Variants in HEATR1 observed in about 807,000 individuals in gnomAD.
HEATR1 encodes the protein HEAT repeat-containing protein 1.
In HEATR1, 77 loss-of-function variants were observed where a neutral mutation model predicts 248.2. That is an observed-to-expected ratio of 0.31 (90% CI 0.26 to 0.37). HEATR1 has a LOEUF of 0.37. Ranked by LOEUF, HEATR1 falls within the 10% of genes least tolerant of loss-of-function variation. HEATR1 has a pLI of 1.00. For missense variants in HEATR1, 2,420 were observed against 2,504.9 expected, an observed-to-expected ratio of 0.97 and a Z score of 0.72; for synonymous variants, 897 against 923.1, an observed-to-expected ratio of 0.97 and a Z score of 0.51.
At position 236,554,619 on chromosome 1, in the gene HEATR1, C is replaced by T. The variant is rs746060226; in HGVS notation, c.6057G>A (p.Leu2019=). Reference sequence around the variant, plus strand: ...TTACCTGATCCACCAGAGGCATCATCAAGGCTTCTGCTCTCTCTTTACTTA... The same window carrying T: ...TTACCTGATCCACCAGAGGCATCATTAAGGCTTCTGCTCTCTCTTTACTTA... The part of the protein sequence containing the change: ...HFISKERAEA[L]MMPLVDQLEN... The change falls in exon 42 of 45, where the codon TTG becomes TTA. Residue 2019 remains leucine, a synonymous_variant. Transcript: ENST00000366582. 1 of 1,612,008 alleles carries T rather than the reference C, an allele frequency of 6.2e-7. No homozygotes were observed. Among genetic ancestry groups the T allele is most frequent in the Non-Finnish European group, 8.5e-7 (1 of 1,179,512 alleles).
rs940918494 is a variant in HEATR1 at position 236,599,711 on chromosome 1, T to C, written c.360-87A>G. On this transcript the variant is annotated intron_variant, in intron 3 of 44. Coordinates refer to ENST00000366582, the MANE Select transcript of HEATR1 (RefSeq NM_018072.6). ...TCACATGCCCAAACTGTATTATTAA[T>C]AAGCTAAAACAACCTAGAACGAGTA... 1.0e-5 allele frequency: 13 copies of C among 1,248,290 alleles called. No individual in the cohort carries two copies. The African/African-American group carries it at 1.2e-4, about 12-fold the overall frequency. The allele number at this position is 1,248,290 out of a possible 1,614,324, so 77.3% of individuals were successfully genotyped here.
chr1:236,591,307 T>C (rs1472791740), intron 11 of HEATR1, among the ~76,000 whole-genome samples: 1 of 152,200 alleles, frequency 6.6e-6, no homozygotes, highest in Non-Finnish European at 1.5e-5. Flanking sequence ...GCAACTCATC[T>C]ACATGATATA....
chr1:236,575,097 G>C (rs1056817661), intron 22 of HEATR1, among the ~76,000 whole-genome samples, 194 bp from the exon 23 acceptor site: 3 of 152,148 alleles, frequency 2.0e-5, no homozygotes, highest in African/African-American at 7.2e-5. Flanking sequence ...GACAGTTCAT[G>C]TGTAATGCTC....
At chr1:236,580,519 CTT>C (rs10692063) in intron 20 of HEATR1, among the ~76,000 whole-genome samples, 3 of 132,104 alleles carry the variant, frequency 2.3e-5, no homozygotes, top group African/African-American at 5.5e-5. Flanking sequence ...ATGTACAGCC[CTT>C]TTTTTTTTTT....
chr1:236,588,133 C>T, intron 12 of HEATR1, 90 bp from the exon 13 acceptor site: 1 of 920,502 alleles, frequency 1.1e-6, no homozygotes, highest in Non-Finnish European at 1.7e-6. Context: ...TTGTGAAAAA[C>T]ACTCCAGAAT....
Position 236,557,281 on chromosome 1 carries a change from G to A in HEATR1, c.5269C>T (p.Leu1757=), listed in dbSNP as rs915546188. ...TSELVSSEVY[L]LSALAALQKV... ...TGCAGAGCAGCCAAGGCACTGAGCAGGTAGACCTCGCTGGAGACCAGCTCG... is the reference window on the plus strand; with the variant it reads ...TGCAGAGCAGCCAAGGCACTGAGCAAGTAGACCTCGCTGGAGACCAGCTCG... Residue 1757 remains leucine (L), a synonymous_variant, in exon 37 of 45, where the codon CTG becomes TTG. Coordinates refer to ENST00000366582, the MANE Select transcript of HEATR1 (RefSeq NM_018072.6). 1.2e-6 allele frequency: 2 copies of A among 1,614,102 alleles called. No homozygotes were observed. Among genetic ancestry groups the A allele is most frequent in the Admixed American group, 1.7e-5 (1 of 60,012 alleles).
intron 24 of HEATR1, 140 bp downstream of exon 24, chr1:236,574,058 TCTGA>T (rs1318511471): frequency 5.0e-6 from 3 of 600,690 alleles, no homozygotes; most frequent in Non-Finnish European, 5.4e-6. Context: ...TATGCCTCTC[TCTGA>T]CTTACTTTTC....
intron 20 of HEATR1, among the ~76,000 whole-genome samples, chr1:236,579,080 A>C (rs1663640309): frequency 6.6e-6 from 1 of 152,204 alleles, no homozygotes; most frequent in Non-Finnish European, 1.5e-5. Flanking sequence ...AAACCTGCCT[A>C]AGAAGTTCAT....
rs2794757 is a variant in HEATR1 at position 236,592,514 on chromosome 1, G to A, written c.1304+9C>T. 0.66 allele frequency: 742,936 copies of A among 1,119,164 alleles called. 251,218 individuals carry two copies. The highest frequency in any genetic ancestry group is 0.7 in the Non-Finnish European group (514,914 of 739,148). The allele number at this position is 1,119,164 out of a possible 1,614,324, so 69.3% of individuals were successfully genotyped here. A position where few individuals can be genotyped will look rare whatever the true frequency, so the allele number is the denominator to read the frequency against. ...TTTAGAAGAGCATAAACATACACAC[G>A]TAACTTACTTGCTTTCTAAAAGCCT... is the stretch of plus-strand genomic sequence containing the variant. On this transcript the variant is annotated intron_variant, in intron 10 of 44. Transcript: ENST00000366582.
rs562533984 is a variant in HEATR1 at position 236,597,990 on chromosome 1, T to C, written c.502-11A>G. 2 of 1,574,946 alleles carry C rather than the reference T, an allele frequency of 1.3e-6. No individual in the cohort carries two copies. The highest frequency in any genetic ancestry group is 1.3e-5 in the African/African-American group (1 of 74,176). On this transcript the variant is annotated splice_polypyrimidine_tract_variant and intron_variant, in intron 4 of 44. Transcript: ENST00000366582. Reference sequence around the variant, plus strand: ...CGGCACTCCAGATTGCTGTTATTGATGGAAAGAACAAACTACTAGCAACAT... The same window carrying C: ...CGGCACTCCAGATTGCTGTTATTGACGGAAAGAACAAACTACTAGCAACAT...
In HEATR1 at chr1:236,574,665, T is replaced by A. The variant is rs377405226; in HGVS notation, c.3323A>T (p.Glu1108Val). Reference sequence around the variant, plus strand: ...TTTCTGAAAGAAATCACTGACCTTTTCAAGGGCTGTGATCTGAATGGTTGG... The same window carrying A: ...TTTCTGAAAGAAATCACTGACCTTTACAAGGGCTGTGATCTGAATGGTTGG... ...GMPTIQITAL[E>V]KITKPFFAAI... Residue 1108 changes from glutamate (E) to valine (V), a missense_variant, in exon 23 of 45, where the codon GAA becomes GTA. Physicochemically the swap from Glu to Val is moderately radical, Grantham distance 121. Coordinates refer to ENST00000366582, the MANE Select transcript of HEATR1 (RefSeq NM_018072.6). 1 of 1,611,904 alleles carries A rather than the reference T, an allele frequency of 6.2e-7. No homozygotes were observed. The highest frequency in any genetic ancestry group is 1.1e-5 in the South Asian group (1 of 90,526).
intron 17 of HEATR1, among the ~76,000 whole-genome samples, 161 bp downstream of exon 17, chr1:236,584,864 T>C (rs1488904121): frequency 6.6e-6 from 1 of 152,186 alleles, no homozygotes; most frequent in East Asian, 1.9e-4. Flanking sequence ...AGGGAGTGCC[T>C]AGTTGACTAT....
Position 236,574,748 on chromosome 1 carries a change from C to T in HEATR1, c.3240G>A (p.Lys1080=). 6.2e-7 allele frequency: 1 copy of T among 1,613,832 alleles called. No individual in the cohort carries two copies. Residue 1080 remains lysine (K), a synonymous_variant, in exon 23 of 45, where the codon AAG becomes AAA. Transcript: ENST00000366582. ...FSVSLLNEDP[K]SLDIFIKAVH... ...CAGCTTTTATAAATATATCTAGACT[C>T]TTCGGATCCTCATTTAAAAGGGAAA...
intron 41 of HEATR1, 36 bp downstream of exon 41, chr1:236,555,260 G>A: frequency 1.9e-6 from 3 of 1,606,628 alleles, no homozygotes; most frequent in Non-Finnish European, 2.6e-6. Flanking sequence ...AGGCACACAG[G>A]GCAAGGGTGA....
chr1:236,555,155 TG>T, intron 41 of HEATR1, 140 bp downstream of exon 41: 1 of 800,382 alleles, frequency 1.2e-6, no homozygotes, highest in Non-Finnish European at 2.0e-6. Context: ...CTGACAACAA[TG>T]AAGTAAAAAA....
chr1:236,566,996 A>C, intron 29 of HEATR1, 120 bp from the exon 30 acceptor site: 1 of 661,192 alleles, frequency 1.5e-6, no homozygotes, highest in South Asian at 1.9e-5. Context: ...AATTTTATTT[A>C]TTTTTTTAGA....
At position 236,583,083 on chromosome 1, in the gene HEATR1, G is replaced by T. The variant is rs762603899; in HGVS notation, c.2355C>A (p.Asp785Glu). 2 of 1,614,172 alleles carry T rather than the reference G, an allele frequency of 1.2e-6. No homozygotes were observed. Among genetic ancestry groups the T allele is most frequent in the African/African-American group, 1.3e-5 (1 of 75,054 alleles). Reference protein sequence around the residue: ...LNSTQRVAVEDSVFLVFSLKK... With the variant: ...LNSTQRVAVEESVFLVFSLKK... ...TCAAGGAAAATACAAGAAAAACCGA[G>T]TCCTCCACGGCCACCCTCTGAGTGC... is the stretch of plus-strand genomic sequence containing the variant. The change falls in exon 18 of 45, where the codon GAC becomes GAA. Residue 785 changes from aspartate to glutamate, a missense_variant. Coordinates refer to ENST00000366582, the MANE Select transcript of HEATR1 (RefSeq NM_018072.6).
At chr1:236,583,484 CTTTTTTT>C (rs373107503) in intron 17 of HEATR1, among the ~76,000 whole-genome samples, 2 of 115,242 alleles carry the variant, frequency 1.7e-5, no homozygotes, top group Non-Finnish European at 1.8e-5. Flanking sequence ...AGGCATATTT[CTTTTTTT>C]TTTTTTTTTT....
rs200561440 is a variant in HEATR1, at chr1:236,574,881, G to C, written c.3107C>G (p.Pro1036Arg). The C allele has an allele frequency of 1.1e-5, 17 of 1,613,312 alleles. No individual in the cohort carries two copies. In the East Asian group the frequency reaches 2.9e-4, roughly 27 times the overall value. Residue 1036 changes from proline (P) to arginine (R), a missense_variant, in exon 23 of 45, where the codon CCT becomes CGT. Transcript: ENST00000366582. ...NGEMVLSQLL[P>R]MAEQLLEKIQ... ...CTTTTCTAGCAGTTGTTCAGCCATAGGCAATAGCTGAGAAAGCACCATCTA... is the reference window on the plus strand; with the variant it reads ...CTTTTCTAGCAGTTGTTCAGCCATACGCAATAGCTGAGAAAGCACCATCTA...
Sources: allele counts gnomAD v4.1 joint callset (sites outside exome capture counted in the v4.1 genomes callset), GRCh38; gene constraint gnomAD v4.1.1; transcripts MANE v1.5; gene names NCBI Gene and HGNC (gene_info 2026-07-23, HGNC 2026-07-21).